Variants in SHISA9 observed in about 807,000 individuals in gnomAD.
The protein encoded by SHISA9 is shisa family member 9.
A neutral mutation model predicts 38.0 loss-of-function variants in SHISA9; 13 were observed. The observed-to-expected ratio is 0.34, with a 90% CI of 0.22 to 0.54. SHISA9 has a LOEUF of 0.54. Ranked by LOEUF, SHISA9 falls within the 20% of genes least tolerant of loss-of-function variation. The pLI, the probability that SHISA9 is intolerant of heterozygous loss-of-function variation, is 0.91. For missense variants in SHISA9, 538 were observed against 575.8 expected (o/e 0.93, Z 0.67); for synonymous variants, 275 against 242.0 (o/e 1.14, Z -1.27).
intron 2 of SHISA9, among the ~76,000 whole-genome samples, chr16:13,130,173 A>C (rs2141986294): frequency 6.6e-6 from 1 of 152,308 alleles, no homozygotes; most frequent in African/African-American, 2.4e-5. Flanking sequence ...GTCCTGGCAC[A>C]CAATGGGACA....
intron 2 of SHISA9, among the ~76,000 whole-genome samples, chr16:12,925,474 C>G (rs970571173): frequency 7.9e-4 from 6 of 7,562 alleles, no homozygotes; most frequent in Admixed American, 3.6e-3. Context: ...TGTGTGTGTG[C>G]AAGCAACAGA....
intron 2 of SHISA9, among the ~76,000 whole-genome samples, chr16:13,152,764 T>C (rs1463950622): frequency 6.6e-6 from 1 of 152,124 alleles, no homozygotes; most frequent in African/African-American, 2.4e-5. Context: ...AGAATAGATA[T>C]TGTGGTAGAC....
intron 2 of SHISA9, among the ~76,000 whole-genome samples, chr16:13,157,187 A>C (rs187807511): frequency 2.6e-5 from 4 of 152,100 alleles, no homozygotes; most frequent in African/African-American, 9.6e-5. Context: ...CATCCATCCC[A>C]CTAAGATGCT....
At chr16:13,084,813 C>T (rs1166237368) in intron 2 of SHISA9, among the ~76,000 whole-genome samples, 2 of 151,960 alleles carry the variant, frequency 1.3e-5, no homozygotes, top group East Asian at 3.9e-4. Context: ...ATGAAGAGAA[C>T]TTAATGAGAA....
intron 2 of SHISA9, among the ~76,000 whole-genome samples, chr16:13,112,098 G>C (rs1322982986): frequency 1.3e-5 from 2 of 152,160 alleles, no homozygotes; most frequent in African/African-American, 4.8e-5. Context: ...ATACCACTCA[G>C]CAAAAGGGTA....
At chr16:13,050,077 A>G (rs2073233107) in intron 2 of SHISA9, among the ~76,000 whole-genome samples, 1 of 152,208 alleles carries the variant, frequency 6.6e-6, no homozygotes, top group Admixed American at 6.5e-5. Flanking sequence ...AGGTACTATG[A>G]TGATATAGAA....
chr16:12,908,535 C>G, intron 1 of SHISA9: 2 of 1,552,016 alleles, frequency 1.3e-6, no homozygotes, highest in Non-Finnish European at 1.7e-6. Context: ...GAGGACGAAC[C>G]TGCCCCTGGA....
chr16:13,088,253 C>G (rs911197473), intron 2 of SHISA9, among the ~76,000 whole-genome samples: 8 of 152,246 alleles, frequency 5.3e-5, no homozygotes, highest in Non-Finnish European at 1.0e-4. Context: ...AGTCAGGTAG[C>G]ATGATGCCTC....
chr16:13,076,575 A>C (rs866801388), intron 2 of SHISA9, among the ~76,000 whole-genome samples: 7 of 152,132 alleles, frequency 4.6e-5, no homozygotes, highest in South Asian at 2.1e-4. Flanking sequence ...TTGGAAGTTC[A>C]TATAGCTAGG....
the SHISA9 span, among the ~76,000 whole-genome samples, chr16:13,387,701 G>T: frequency 1.3e-5 from 2 of 152,084 alleles, no homozygotes; most frequent in Admixed American, 6.6e-5. Flanking sequence ...TGTTGGCCAG[G>T]ATGGTCTTGA....
the SHISA9 span, among the ~76,000 whole-genome samples, chr16:13,422,128 T>C: frequency 8.5e-5 from 13 of 152,074 alleles, no homozygotes; most frequent in African/African-American, 2.9e-4. Flanking sequence ...ACAGGTCACC[T>C]CCAAGGACCA....
At chr16:13,339,509 G>A in the SHISA9 span, among the ~76,000 whole-genome samples, 2 of 152,146 alleles carry the variant, frequency 1.3e-5, no homozygotes, top group Admixed American at 6.5e-5. Context: ...CAGTAGCACC[G>A]ACATAGAAGT....
At chr16:13,423,184 GTCAGATA>G in the SHISA9 span, among the ~76,000 whole-genome samples, 1 of 152,190 alleles carries the variant, frequency 6.6e-6, no homozygotes, top group Non-Finnish European at 1.5e-5. Flanking sequence ...AGCCCCAGAG[GTCAGATA>G]TCTGAATGTT....
chr16:13,489,520 G>A, the SHISA9 span, among the ~76,000 whole-genome samples: 17 of 152,112 alleles, frequency 1.1e-4, no homozygotes, highest in African/African-American at 3.9e-4. Flanking sequence ...GGGATCCAGT[G>A]GGAGATAATT....
chr16:13,525,176 G>T, the SHISA9 span, among the ~76,000 whole-genome samples: 3 of 152,162 alleles, frequency 2.0e-5, no homozygotes, highest in African/African-American at 7.2e-5. Flanking sequence ...TTCATGTGGT[G>T]CTGATGATGC....
At chr16:13,108,530 A>C (rs2073948224) in intron 2 of SHISA9, among the ~76,000 whole-genome samples, 2 of 152,024 alleles carry the variant, frequency 1.3e-5, no homozygotes, top group African/African-American at 4.8e-5. Flanking sequence ...CTCCCAAAGC[A>C]CTGGGATTAC....
At chr16:13,264,434 A>G in the SHISA9 span, among the ~76,000 whole-genome samples, 1 of 152,034 alleles carries the variant, frequency 6.6e-6, no homozygotes, top group South Asian at 2.1e-4. Flanking sequence ...CGGCTTCCCA[A>G]AGTGCTAGGA....
At chr16:13,255,531 C>A in the SHISA9 span, among the ~76,000 whole-genome samples, 1 of 152,288 alleles carries the variant, frequency 6.6e-6, no homozygotes, top group East Asian at 1.9e-4. Context: ...AAAAAAAGTA[C>A]CATTCAAGTT....
At chr16:13,430,414 G>A in the SHISA9 span, among the ~76,000 whole-genome samples, 1 of 152,250 alleles carries the variant, frequency 6.6e-6, no homozygotes, top group Admixed American at 6.5e-5. Context: ...TGCAAACTCC[G>A]GTGGGCCTGA....
Sources: allele counts gnomAD v4.1 joint callset (sites outside exome capture counted in the v4.1 genomes callset), GRCh38; gene constraint gnomAD v4.1.1; transcripts MANE v1.5; gene names NCBI Gene and HGNC (gene_info 2026-07-23, HGNC 2026-07-21).